The following HTT variants were observed in gnomAD, a reference collection of about 807,000 sequenced individuals.
HTT encodes huntingtin, also known as huntington disease protein.
A neutral mutation model predicts 362.3 loss-of-function variants in HTT; 104 were observed. The observed-to-expected ratio is 0.29, with a 90% CI of 0.24 to 0.34. HTT has a LOEUF of 0.34. Ranked by LOEUF, HTT falls within the 10% of genes least tolerant of loss-of-function variation. The pLI is 1.00. For missense variants in HTT, 3,301 were observed against 3,928.6 expected (o/e 0.84, Z 4.27); for synonymous variants, 1,577 against 1,548.7 (o/e 1.02, Z -0.43).
At chr4:3,202,431 C>T (rs919282113) in intron 41 of HTT, among the ~76,000 whole-genome samples, 5 of 152,216 alleles carry the variant, frequency 3.3e-5, no homozygotes, top group Admixed American at 1.3e-4. Flanking sequence ...TGCACAATTA[C>T]AGCTTGAGTG....
intron 11 of HTT, among the ~76,000 whole-genome samples, chr4:3,126,580 G>T (rs1453384486): frequency 7.3e-5 from 11 of 151,080 alleles, no homozygotes. Context: ...ATTTTTTTTT[G>T]ATTACACAAA....
intron 29 of HTT, among the ~76,000 whole-genome samples, chr4:3,164,499 T>C (rs1717601949): frequency 6.6e-6 from 1 of 152,200 alleles, no homozygotes; most frequent in African/African-American, 2.4e-5. Flanking sequence ...TTCTGGCTCA[T>C]TGATCTGCCT....
intron 40 of HTT, among the ~76,000 whole-genome samples, chr4:3,196,487 G>T (rs756425069): frequency 1.1e-4 from 17 of 152,130 alleles, no homozygotes; most frequent in Non-Finnish European, 2.4e-4. Context: ...CTGTAATCCT[G>T]TGCACTTTGG....
At chr4:3,209,676 G>A (rs1720046815) in intron 46 of HTT, 151 bp from the exon 47 acceptor site, 2 of 836,508 alleles carry the variant, frequency 2.4e-6, no homozygotes, top group Admixed American at 2.3e-5. Flanking sequence ...CCTGTGGTGT[G>A]GTGAGCCGTA....
At chr4:3,238,730 G>A (rs894042419) in intron 65 of HTT, 88 bp from the exon 66 acceptor site, 6 of 1,097,662 alleles carry the variant, frequency 5.5e-6, no homozygotes, top group Non-Finnish European at 6.6e-6. Context: ...AATGCCTCTG[G>A]CCCCCACCCC....
chr4:3,188,682 G>T, intron 39 of HTT: 1 of 279,450 alleles, frequency 3.6e-6, no homozygotes, highest in Non-Finnish European at 6.7e-6. Context: ...TCCTGTGACA[G>T]ATGATCAGCT....
At chr4:3,173,190 T>C in intron 31 of HTT, 59 bp downstream of exon 31, 1 of 1,404,716 alleles carries the variant, frequency 7.1e-7, no homozygotes, top group Non-Finnish European at 1.0e-6. Flanking sequence ...AAGCAGGAAA[T>C]ACTTTGTAAA....
intron 40 of HTT, among the ~76,000 whole-genome samples, chr4:3,193,077 C>T (rs555323786): frequency 2.0e-4 from 30 of 152,314 alleles, no homozygotes; most frequent in Non-Finnish European, 3.4e-4. Context: ...AGAAGAGTTC[C>T]GGCACCCAAG....
At chr4:3,105,271 C>T in intron 4 of HTT, 86 bp from the exon 5 acceptor site, 1 of 898,650 alleles carries the variant, frequency 1.1e-6, no homozygotes, top group Non-Finnish European at 1.8e-6. Context: ...TAGAAAGTAA[C>T]AAGGAAAGAA....
At chr4:3,179,588 C>T (rs1010035768) in intron 35 of HTT, among the ~76,000 whole-genome samples, 9 of 144,312 alleles carry the variant, frequency 6.2e-5, no homozygotes, top group African/African-American at 7.8e-5. Context: ...GGGTGCCTCG[C>T]GTGTGTGTGT....
chr4:3,214,186 T>C lies in HTT; in HGVS notation c.6952+51T>C, dbSNP rs1394805206. The C allele has an allele frequency of 2.3e-6, 3 of 1,328,750 alleles. No homozygotes were observed. The African/African-American group carries it at 4.5e-5, about 20-fold the overall frequency. 82.3% of individuals were successfully genotyped at this position (1,328,750 alleles called of 1,614,324 possible). A position where few individuals can be genotyped will look rare whatever the true frequency, so the allele number is the denominator to read the frequency against. ...GTTCCTATCATAGTTCCTGTCTGCTTCACCATGTTTTTATTTTGTGCTGCC... is the reference window on the plus strand; with the variant it reads ...GTTCCTATCATAGTTCCTGTCTGCTCCACCATGTTTTTATTTTGTGCTGCC... On this transcript the variant is annotated intron_variant, in intron 50 of 66. Coordinates refer to ENST00000355072, the MANE Select transcript of HTT (RefSeq NM_001388492.1).
chr4:3,114,744 G>T (rs1316127938), intron 6 of HTT, among the ~76,000 whole-genome samples: 3 of 152,200 alleles, frequency 2.0e-5, no homozygotes, highest in Non-Finnish European at 1.5e-5. Flanking sequence ...CATCATTAGA[G>T]TTATAGCACT....
At chr4:3,221,833 ATTC>A (rs1234001673) in intron 53 of HTT, among the ~76,000 whole-genome samples, 1 of 152,228 alleles carries the variant, frequency 6.6e-6, no homozygotes, top group Non-Finnish European at 1.5e-5. Flanking sequence ...TTTTTAATCT[ATTC>A]TTCTAGACAG....
intron 26 of HTT, among the ~76,000 whole-genome samples, chr4:3,152,008 G>T (rs1716917238): frequency 6.6e-6 from 1 of 151,996 alleles, no homozygotes; most frequent in Admixed American, 6.6e-5. Context: ...GCTCACTGCG[G>T]CCTCGATCTC....
At chr4:3,229,208 TACACACAAC>T (rs1196052927) in intron 59 of HTT, among the ~76,000 whole-genome samples, 199 bp downstream of exon 59, 6 of 130,710 alleles carry the variant, frequency 4.6e-5, no homozygotes, top group African/African-American at 1.2e-4. Context: ...GCATGCACCA[TACACACAAC>T]ACACACAGCA....
intron 37 of HTT, among the ~76,000 whole-genome samples, chr4:3,184,996 T>C (rs1431640248): frequency 6.6e-6 from 1 of 152,124 alleles, no homozygotes; most frequent in Non-Finnish European, 1.5e-5. Context: ...CCTTGGGAAC[T>C]TGGCCCAGGT....
chr4:3,121,622 T>C, intron 9 of HTT, 190 bp downstream of exon 9: 1 of 510,908 alleles, frequency 2.0e-6, no homozygotes, highest in East Asian at 3.5e-5. Flanking sequence ...ACGCCTGTAA[T>C]TTCAGCACTT....
At chr4:3,151,169 C>T (rs1037364122) in intron 26 of HTT, among the ~76,000 whole-genome samples, 2 of 151,956 alleles carry the variant, frequency 1.3e-5, no homozygotes, top group African/African-American at 4.8e-5. Flanking sequence ...TGTATGAGTT[C>T]GTTCTCACAC....
At chr4:3,081,628 G>A (rs939937285) in intron 1 of HTT, among the ~76,000 whole-genome samples, 2 of 140,686 alleles carry the variant, frequency 1.4e-5, no homozygotes, top group African/African-American at 2.7e-5. Flanking sequence ...GCGCGATCTC[G>A]GCTCACTGCA....
Sources: gnomAD v4.1 joint callset for allele counts (sites outside exome capture counted in the v4.1 genomes callset) on GRCh38, gnomAD v4.1.1 for gene constraint, MANE v1.5 for transcripts, NCBI Gene and HGNC (gene_info 2026-07-23, HGNC 2026-07-21) for gene names.